Variants in STRN3 observed in about 807,000 individuals in gnomAD.
The protein encoded by STRN3 is striatin 3, also known as striatin-3.
A neutral mutation model predicts 95.6 loss-of-function variants in STRN3; 29 were observed. The ratio of observed to expected loss-of-function variants is 0.30; its 90% confidence interval spans 0.23 to 0.41. The LOEUF (loss-of-function observed/expected upper bound fraction) is 0.41, where lower values mean the gene tolerates loss of function less well. Ranked by LOEUF, STRN3 falls within the 10% of genes least tolerant of loss-of-function variation. The probability of loss-of-function intolerance (pLI) is 1.00; values close to 1 mark genes in which losing one functional copy is unlikely to be tolerated. For missense variants in STRN3, 890 were observed against 972.1 expected, an observed-to-expected ratio of 0.92 and a Z score of 1.12; for synonymous variants, 331 against 357.6, an observed-to-expected ratio of 0.93 and a Z score of 0.84.
At chr14:30,902,402 G>T in intron 16 of STRN3, 134 bp downstream of exon 16, 1 of 576,508 alleles carries the variant, frequency 1.7e-6, no homozygotes, top group Non-Finnish European at 2.9e-6. Context: ...ATTAAGAAAA[G>T]CAAAAATCTG....
chr14:31,007,940 C>G (rs1882794299), intron 1 of STRN3, among the ~76,000 whole-genome samples: 1 of 152,120 alleles, frequency 6.6e-6, no homozygotes, highest in South Asian at 2.1e-4. Flanking sequence ...CACCTGTAAT[C>G]CAAGCACTTT....
At chr14:30,896,540 A>G (rs1312734449) in intron 16 of STRN3, among the ~76,000 whole-genome samples, 2 of 150,982 alleles carry the variant, frequency 1.3e-5, no homozygotes, top group African/African-American at 4.9e-5. Flanking sequence ...AATGGGAAGG[A>G]AAGAGAAAAG....
chr14:30,972,492 G>C (rs544791044), intron 1 of STRN3, among the ~76,000 whole-genome samples: 67 of 152,266 alleles, frequency 4.4e-4, no homozygotes, highest in African/African-American at 1.5e-3. Context: ...GAAGTAACTT[G>C]CCTTGCTGAG....
chr14:30,997,671 T>C (rs1283303655), intron 1 of STRN3, among the ~76,000 whole-genome samples: 1 of 152,204 alleles, frequency 6.6e-6, no homozygotes. Flanking sequence ...TTGAACTTCT[T>C]CGATGTCTCC....
intron 10 of STRN3, 31 bp downstream of exon 10, chr14:30,913,487 TAAATCA>T: frequency 6.5e-7 from 1 of 1,541,940 alleles, no homozygotes; most frequent in Non-Finnish European, 8.7e-7. Context: ...AGCCTTCTAT[TAAATCA>T]TTAAAAAATT....
In STRN3 at chr14:30,935,284, A is replaced by C. The variant is rs149753992; in HGVS notation, c.867T>G (p.Ala289=). The change falls in exon 7 of 18, where the codon GCT becomes GCG. Residue 289 remains alanine (A), a synonymous_variant. Transcript: ENST00000357479. ...NKHKIGNEGL[A]ADLTDDPDTE... is the part of the protein sequence containing the mutation. ...TATCAGGATCGTCAGTTAGGTCAGC[A>C]GCTAAACCTTCATTACCTATCTGTA... 283 of 1,613,966 alleles carry C rather than the reference A, an allele frequency of 1.8e-4. No individual in the cohort carries two copies. Among genetic ancestry groups the C allele is most frequent in the South Asian group, 2.2e-4 (20 of 91,080 alleles).
intron 1 of STRN3, among the ~76,000 whole-genome samples, chr14:31,003,573 G>T (rs1367521887): frequency 2.0e-5 from 3 of 152,056 alleles, no homozygotes. Flanking sequence ...GCTGACTGTT[G>T]CTCTCTCGCC....
In STRN3 at chr14:31,026,356, G is replaced by T; in HGVS notation, c.-171C>A. On this transcript the variant is annotated 5_prime_UTR_variant, in exon 1 of 18. Transcript: ENST00000357479. ...TCAGAGCAGGGAGCTGCCGGCTGCC[G>T]CCATTACAATCCCTCCTCCATCTGC... 1 of 380,942 alleles carries T rather than the reference G, an allele frequency of 2.6e-6. No individual in the cohort carries two copies. The highest frequency in any genetic ancestry group is 3.9e-6 in the Non-Finnish European group (1 of 255,770). 23.6% of individuals were successfully genotyped at this position (380,942 alleles called of 1,614,324 possible). A position where few individuals can be genotyped will look rare whatever the true frequency, so the allele number is the denominator to read the frequency against.
At chr14:30,972,583 C>CT (rs752151258) in intron 1 of STRN3, among the ~76,000 whole-genome samples, 6 of 151,976 alleles carry the variant, frequency 3.9e-5, no homozygotes, top group Non-Finnish European at 7.4e-5. Flanking sequence ...GGAGGATCAC[C>CT]TGAGGCCAGG....
intron 1 of STRN3, among the ~76,000 whole-genome samples, chr14:30,967,849 T>A (rs567076247): frequency 1.3e-5 from 2 of 152,238 alleles, no homozygotes; most frequent in South Asian, 4.1e-4. Context: ...ATTGAAATCT[T>A]AATTACCATA....
chr14:31,002,891 A>T (rs1882534532), intron 1 of STRN3, among the ~76,000 whole-genome samples: 1 of 152,164 alleles, frequency 6.6e-6, no homozygotes. Flanking sequence ...TTGCAAGAAG[A>T]AAAGAGTTCT....
intron 4 of STRN3, among the ~76,000 whole-genome samples, chr14:30,949,536 G>A (rs1879536540): frequency 6.6e-6 from 1 of 152,122 alleles, no homozygotes; most frequent in Non-Finnish European, 1.5e-5. Context: ...GCTTGAACCC[G>A]GGAGGCGGAG....
At chr14:30,952,123 A>AT (rs1879675101) in intron 3 of STRN3, among the ~76,000 whole-genome samples, 1 of 148,146 alleles carries the variant, frequency 6.8e-6, no homozygotes, top group Non-Finnish European at 1.5e-5. Flanking sequence ...GTCTTAAACA[A>AT]CAAAAAAAAA....
Position 31,025,964 on chromosome 14 carries a change from G to C in STRN3, c.222C>G (p.His74Gln), listed in dbSNP as rs527517871. 2 of 1,588,498 alleles carry C rather than the reference G, an allele frequency of 1.3e-6. No individual in the cohort carries two copies. Among genetic ancestry groups the C allele is most frequent in the Admixed American group, 1.8e-5 (1 of 56,130 alleles). Residue 74 changes from histidine to glutamine, a missense_variant, in exon 1 of 18, where the codon CAC becomes CAG. Physicochemically the swap from His to Gln is conservative, Grantham distance 24. This residue lies in a region of STRN3 where 526 missense variants were observed against 526.3 expected (regional missense o/e 1.00). Transcript: ENST00000357479. The stretch of plus-strand genomic sequence containing the variant: ...GCTCCATCTCGAACCGAGCCCACTC[G>C]TGCTGGATGTAGTGCAGTATCCCCG... Reference protein sequence around the residue: ...TIPGILHYIQHEWARFEMERA... With the variant: ...TIPGILHYIQQEWARFEMERA...
rs200911399 is a variant in STRN3, at chr14:30,944,111, TTA to T, written c.716+2977_716+2978del. On this transcript the variant is annotated intron_variant, in intron 5 of 17. Coordinates refer to ENST00000357479, the MANE Select transcript of STRN3 (RefSeq NM_001083893.2). ...AAGCTTTACAAGGAGAAGATACAGC[TTA>T]TCGAGGATCTTTGTAAGATGATACT... Among the ~76,000 whole-genome samples, 213 of 152,134 alleles carry T rather than the reference TTA, an allele frequency of 1.4e-3. 5 individuals are homozygous for T. In the East Asian group the frequency reaches 0.039, roughly 28 times the overall value.
chr14:30,904,015 T>C (rs1037981990), intron 15 of STRN3, among the ~76,000 whole-genome samples: 1 of 152,154 alleles, frequency 6.6e-6, no homozygotes, highest in African/African-American at 2.4e-5. Flanking sequence ...TTTTAAAAAA[T>C]GTTTATTTCT....
chr14:30,995,328 GA>G (rs560292844), intron 1 of STRN3, among the ~76,000 whole-genome samples: 15 of 145,022 alleles, frequency 1.0e-4, no homozygotes, highest in African/African-American at 1.3e-4. Flanking sequence ...GGCCACAAAA[GA>G]AAAAAAAAAC....
At chr14:30,916,172 A>T (rs1896733514) in intron 9 of STRN3, among the ~76,000 whole-genome samples, 2 of 152,126 alleles carry the variant, frequency 1.3e-5, no homozygotes, top group African/African-American at 4.8e-5. Flanking sequence ...TGCAGAGGGA[A>T]TTAATTTCTA....
chr14:30,942,040 T>A (rs1246372210), intron 5 of STRN3, among the ~76,000 whole-genome samples: 1 of 152,246 alleles, frequency 6.6e-6, no homozygotes, highest in Non-Finnish European at 1.5e-5. Context: ...GTGACTTGAA[T>A]TGGCTTATTC....
Sources: gnomAD v4.1 joint callset for allele counts (sites outside exome capture counted in the v4.1 genomes callset) on GRCh38, gnomAD v4.1.1 for gene constraint, gnomAD v4.1.1 regional missense constraint, MANE v1.5 for transcripts, NCBI Gene and HGNC (gene_info 2026-07-23, HGNC 2026-07-21) for gene names.